DPYSL5: variants seen among roughly 807,000 people sequenced by gnomAD.
DPYSL5 encodes the protein dihydropyrimidinase like 5.
A neutral mutation model predicts 58.4 loss-of-function variants in DPYSL5; 9 were observed. The observed-to-expected ratio is 0.15, with a 90% CI of 0.09 to 0.27. The LOEUF is 0.27. Among genes scored for constraint, DPYSL5 ranks in the 10% least tolerant of loss-of-function variants. DPYSL5 has a pLI of 1.00. For missense variants in DPYSL5, 499 were observed against 770.6 expected (o/e 0.65, Z 4.17); for synonymous variants, 293 against 301.9 (o/e 0.97, Z 0.31).
At position 26,849,116 on chromosome 2, in the gene DPYSL5, G is replaced by C. The variant is rs560020526; in HGVS notation, c.-5+862G>C. On this transcript the variant is annotated intron_variant, in intron 1 of 12. Coordinates refer to ENST00000288699, the MANE Select transcript of DPYSL5 (RefSeq NM_020134.4). The surrounding 1 kb of genome is among the most constrained non-coding windows in gnomAD (Gnocchi z 6.2). The stretch of plus-strand genomic sequence containing the variant: ...GTGGGTCTCGGGGAGCAGGGAGTGG[G>C]AACTAGGGTTTGAGGAGGAAAGAGA... 1.0e-3 allele frequency among the ~76,000 whole-genome samples: 157 copies of C among 149,666 alleles called. No individual in the cohort carries two copies. The highest frequency in any genetic ancestry group is 2.0e-3 in the Non-Finnish European group (136 of 66,958).
chr2:26,939,918 T>C, intron 8 of DPYSL5, 113 bp from the exon 9 acceptor site: 2 of 1,423,488 alleles, frequency 1.4e-6, no homozygotes, highest in South Asian at 2.6e-5. Flanking sequence ...AGAGCTGAAA[T>C]TGGAGTCGGC....
At chr2:26,945,200 C>T (rs1665438002) in intron 12 of DPYSL5, among the ~76,000 whole-genome samples, 1 of 152,020 alleles carries the variant, frequency 6.6e-6, no homozygotes, top group African/African-American at 2.4e-5. Flanking sequence ...CAGCCCTTCG[C>T]CCACCCCAGC....
At chr2:26,920,119 A>G (rs1228969228) in intron 2 of DPYSL5, among the ~76,000 whole-genome samples, 2 of 152,306 alleles carry the variant, frequency 1.3e-5, no homozygotes, top group African/African-American at 4.8e-5. Flanking sequence ...TGCCATCTTC[A>G]GGGAAGAGAG....
intron 2 of DPYSL5, among the ~76,000 whole-genome samples, chr2:26,922,363 A>T (rs1174808183): frequency 6.6e-6 from 1 of 152,216 alleles, no homozygotes; most frequent in Non-Finnish European, 1.5e-5. Context: ...AATTTTAAGG[A>T]ACTTGAGGAT....
Position 26,933,363 on chromosome 2 carries a change from A to T in DPYSL5, c.790+30A>T, listed in dbSNP as rs749044198. On this transcript the variant is annotated intron_variant, in intron 7 of 12. Coordinates refer to ENST00000288699, the MANE Select transcript of DPYSL5 (RefSeq NM_020134.4). The surrounding 1 kb of genome is among the most constrained non-coding windows in gnomAD (Gnocchi z 4.2). ...GTCCATAGACTTGGCTGGACAGAGC[A>T]GGTCAAGTGGAGGGACTGGAGATGG... The T allele has an allele frequency of 3.7e-6, 6 of 1,605,318 alleles. No homozygotes were observed. In the South Asian group the frequency reaches 6.6e-5, roughly 18 times the overall value.
intron 2 of DPYSL5, among the ~76,000 whole-genome samples, chr2:26,911,390 C>A (rs981396089): frequency 1.3e-5 from 2 of 152,028 alleles, no homozygotes; most frequent in African/African-American, 2.4e-5. Context: ...CATAGAGAAA[C>A]GAATGCATTA....
rs773905823 is a variant in DPYSL5 at position 26,947,039 on chromosome 2, AG to A, written c.*45del. The A allele has an allele frequency of 4.0e-6, 6 of 1,485,328 alleles. No individual in the cohort carries two copies. In the East Asian group the frequency reaches 1.4e-4, roughly 35 times the overall value. 92.0% of individuals were successfully genotyped at this position (1,485,328 alleles called of 1,614,324 possible). ...CGAGTGAGGACGCACCGCCGCCACC[AG>A]CCCGCAACTCTCCAGCCGAAGCTGC... On this transcript the variant is annotated 3_prime_UTR_variant, in exon 13 of 13. Transcript: ENST00000288699. This position sits in a 1 kb window ranked among gnomAD's most constrained non-coding sequence, Gnocchi z 4.2.
rs1558351525 is a variant in DPYSL5, at chr2:26,932,181, A to AAGAAAGAAAGAAAGAAAGAC, written c.714+516_714+517insCAGAAAGAAAGAAAGAAAGA. On this transcript the variant is annotated intron_variant, in intron 6 of 12. Transcript: ENST00000288699. Reference sequence around the variant, plus strand: ...AAAGAAAGAAAGAAAGAAAGAAAGAAAGAAAGAAAGAAAGAAAGAAAGAAA... The same window carrying AAGAAAGAAAGAAAGAAAGAC: ...AAAGAAAGAAAGAAAGAAAGAAAGAAAGAAAGAAAGAAAGAAAGACAGAAAGAAAGAAAGAAAGAAAGAAA... 1.1e-3 allele frequency among the ~76,000 whole-genome samples: 79 copies of AAGAAAGAAAGAAAGAAAGAC among 75,008 alleles called. 1 individual carries two copies. Among genetic ancestry groups the AAGAAAGAAAGAAAGAAAGAC allele is most frequent in the Admixed American group, 2.4e-3 (18 of 7,588 alleles). The allele number at this position is 75,008 out of a possible 152,430, so 49.2% of individuals were successfully genotyped here. A position where few individuals can be genotyped will look rare whatever the true frequency, so the allele number is the denominator to read the frequency against.
chr2:26,859,990 G>T (rs1227632037), intron 1 of DPYSL5, among the ~76,000 whole-genome samples: 2 of 152,152 alleles, frequency 1.3e-5, no homozygotes, highest in Non-Finnish European at 2.9e-5. Flanking sequence ...AGAGAAATGG[G>T]GTTGGAATCC....
In DPYSL5 at chr2:26,883,067, G is replaced by A. The variant is rs559467087; in HGVS notation, c.-4-15429G>A. On this transcript the variant is annotated intron_variant, in intron 1 of 12. Coordinates refer to ENST00000288699, the MANE Select transcript of DPYSL5 (RefSeq NM_020134.4). ...TTGTAAGCATATTTGACATGTATTT[G>A]TATGTTTTTTTAAAGTTTTAAATGT... is the stretch of plus-strand genomic sequence containing the variant. Among the ~76,000 whole-genome samples, 4 of 152,160 alleles carry A rather than the reference G, an allele frequency of 2.6e-5. No individual in the cohort carries two copies. The South Asian group carries it at 8.3e-4, about 32-fold the overall frequency.
chr2:26,869,106 G>A (rs1663192792), intron 1 of DPYSL5, among the ~76,000 whole-genome samples: 1 of 151,914 alleles, frequency 6.6e-6, no homozygotes, highest in Admixed American at 6.6e-5. Context: ...CTGGGACTAT[G>A]GGTGCACGCC....
chr2:26,872,950 T>TA, intron 1 of DPYSL5, among the ~76,000 whole-genome samples: 1 of 152,346 alleles, frequency 6.6e-6, no homozygotes, highest in East Asian at 1.9e-4. Context: ...AGAACAGACT[T>TA]ACTATCTCTA....
intron 1 of DPYSL5, among the ~76,000 whole-genome samples, chr2:26,879,576 T>C (rs1663504211): frequency 6.6e-6 from 1 of 151,952 alleles, no homozygotes; most frequent in Admixed American, 6.6e-5. Flanking sequence ...CACGTCATTA[T>C]CTATCAAGTG....
intron 8 of DPYSL5, among the ~76,000 whole-genome samples, chr2:26,936,878 G>A (rs182318731): frequency 2.0e-5 from 3 of 146,888 alleles, no homozygotes; most frequent in African/African-American, 5.1e-5. Context: ...CCCAGGAGGC[G>A]GAGGTTGCAG....
At position 26,942,565 on chromosome 2, in the gene DPYSL5, G is replaced by A. The variant is rs763298547; in HGVS notation, c.1255G>A (p.Val419Ile). Residue 419 changes from valine (V) to isoleucine (I), a missense_variant, in exon 11 of 13, where the codon GTC becomes ATC. Val to Ile is a conservative substitution (Grantham distance 29, BLOSUM62 3). This residue lies in a region of DPYSL5 where 404 missense variants were observed against 647.6 expected (regional missense o/e 0.62). Transcript: ENST00000288699. This position sits in a 1 kb window ranked among gnomAD's most constrained non-coding sequence, Gnocchi z 5.9. ...ATKTISASTQ[V>I]QGGDFNLYEN... Reference sequence around the variant, plus strand: ...CAGGACCATCTCAGCCAGCACGCAGGTCCAGGGAGGAGACTTCAACCTGTA... The same window carrying A: ...CAGGACCATCTCAGCCAGCACGCAGATCCAGGGAGGAGACTTCAACCTGTA... The A allele has an allele frequency of 1.2e-6, 2 of 1,614,116 alleles. No homozygotes were observed. Among genetic ancestry groups the A allele is most frequent in the South Asian group, 2.2e-5 (2 of 91,074 alleles).
chr2:26,894,456 TG>T (rs1410711523), intron 1 of DPYSL5, among the ~76,000 whole-genome samples: 2 of 152,190 alleles, frequency 1.3e-5, no homozygotes, highest in African/African-American at 4.8e-5. Context: ...CTTTCCTCTT[TG>T]GCAAGGTGGG....
Position 26,932,097 on chromosome 2 carries a change from GA to G in DPYSL5, c.714+414del, listed in dbSNP as rs1558351262. Among the ~76,000 whole-genome samples the G allele has an allele frequency of 4.0e-3, 108 of 27,048 alleles. 5 individuals carry two copies. The highest frequency in any genetic ancestry group is 8.4e-3 in the African/African-American group (87 of 10,390). 17.7% of individuals were successfully genotyped at this position (27,048 alleles called of 152,430 possible). On this transcript the variant is annotated intron_variant, in intron 6 of 12. Coordinates refer to ENST00000288699, the MANE Select transcript of DPYSL5 (RefSeq NM_020134.4). ...AGAAAGAAAGAAAAGAAAAAAGAAAGAGAAAGAAAGAAAAGAAAAAAGAAAG... is the reference window on the plus strand; with the variant it reads ...AGAAAGAAAGAAAAGAAAAAAGAAAGGAAAGAAAGAAAAGAAAAAAGAAAG...
At chr2:26,865,104 G>A (rs905916459) in intron 1 of DPYSL5, among the ~76,000 whole-genome samples, 1 of 152,114 alleles carries the variant, frequency 6.6e-6, no homozygotes, top group African/African-American at 2.4e-5. Flanking sequence ...ATTTAAATAA[G>A]AAAACTGTGT....
Position 26,927,551 on chromosome 2 carries a change from G to A in DPYSL5, c.600+119G>A. 4.6e-6 allele frequency: 6 copies of A among 1,298,482 alleles called. No individual in the cohort carries two copies. The highest frequency in any genetic ancestry group is 6.3e-6 in the Non-Finnish European group (6 of 956,308). 80.4% of individuals were successfully genotyped at this position (1,298,482 alleles called of 1,614,324 possible). A position where few individuals can be genotyped will look rare whatever the true frequency, so the allele number is the denominator to read the frequency against. ...GATTCAGACAAAATCAGTTGTTAAAGTGTGAGGTGTGGACACCCCAGCTGT... is the reference window on the plus strand; with the variant it reads ...GATTCAGACAAAATCAGTTGTTAAAATGTGAGGTGTGGACACCCCAGCTGT... On this transcript the variant is annotated intron_variant, in intron 4 of 12. Coordinates refer to ENST00000288699, the MANE Select transcript of DPYSL5 (RefSeq NM_020134.4). This position sits in a 1 kb window ranked among gnomAD's most constrained non-coding sequence, Gnocchi z 4.3.
Sources: allele counts gnomAD v4.1 joint callset (sites outside exome capture counted in the v4.1 genomes callset), GRCh38; gene constraint gnomAD v4.1.1; regional missense constraint gnomAD v4.1.1; non-coding constraint Gnocchi (gnomAD v3.1); transcripts MANE v1.5; gene names NCBI Gene and HGNC (gene_info 2026-07-23, HGNC 2026-07-21).